Variants in MTMR10 observed in about 807,000 individuals in gnomAD.
MTMR10 encodes the protein myotubularin-related protein 10.
A neutral mutation model predicts 88.1 loss-of-function variants in MTMR10; 56 were observed. That is an observed-to-expected ratio of 0.64 (90% CI 0.51 to 0.79). The LOEUF is 0.79. Among genes scored for constraint, MTMR10 ranks in the 30% least tolerant of loss-of-function variants. The probability of loss-of-function intolerance (pLI) is 0.00; values close to 1 mark genes in which losing one functional copy is unlikely to be tolerated. For synonymous variants in MTMR10, 380 were observed against 340.9 expected (o/e 1.11, Z -1.26); for missense variants, 883 against 924.7 (o/e 0.95, Z 0.58).
In MTMR10 at chr15:30,967,905, T is replaced by C. The variant is rs903085879; in HGVS notation, c.565+15A>G. The stretch of plus-strand genomic sequence containing the variant: ...ATGTAAAATTAGTCACAATATTTAA[T>C]ATTTTCATATTTACCTGAATTGTGG... On this transcript the variant is annotated intron_variant, in intron 6 of 15. Transcript: ENST00000435680. The C allele has an allele frequency of 6.6e-7, 1 of 1,517,760 alleles. No homozygotes were observed. The highest frequency in any genetic ancestry group is 8.9e-7 in the Non-Finnish European group (1 of 1,119,046). 94.0% of individuals were successfully genotyped at this position (1,517,760 alleles called of 1,614,324 possible).
intron 14 of MTMR10, among the ~76,000 whole-genome samples, chr15:30,945,474 T>C (rs929013314): frequency 4.6e-5 from 7 of 152,108 alleles, no homozygotes; most frequent in Non-Finnish European, 7.4e-5. Flanking sequence ...TCCACGCAGA[T>C]ACCCACCCAT....
chr15:30,972,026 A>G (rs1239038225), intron 5 of MTMR10, among the ~76,000 whole-genome samples: 3 of 152,228 alleles, frequency 2.0e-5, no homozygotes. Context: ...TTCATTTTTC[A>G]AAACAAAAAC....
At chr15:30,982,702 G>A (rs1031567256) in intron 2 of MTMR10, among the ~76,000 whole-genome samples, 2 of 152,158 alleles carry the variant, frequency 1.3e-5, no homozygotes, top group Admixed American at 6.5e-5. Context: ...ATTAAGTGTC[G>A]AGTTAGTGAC....
In MTMR10 at chr15:30,941,347, G is replaced by T; in HGVS notation, c.*123C>A. On this transcript the variant is annotated 3_prime_UTR_variant, in exon 16 of 16. Coordinates refer to ENST00000435680, the MANE Select transcript of MTMR10 (RefSeq NM_017762.3). Reference sequence around the variant, plus strand: ...ATTCAACATGTTTTTAAATATTAGTGCAAATTCCAACTATTATTCTTACAT... The same window carrying T: ...ATTCAACATGTTTTTAAATATTAGTTCAAATTCCAACTATTATTCTTACAT... 6.5e-7 allele frequency: 1 copy of T among 1,534,578 alleles called. No homozygotes were observed. The highest frequency in any genetic ancestry group is 8.7e-7 in the Non-Finnish European group (1 of 1,144,212).
chr15:30,942,228 T>C, intron 15 of MTMR10, 156 bp from the exon 16 acceptor site: 2 of 931,738 alleles, frequency 2.1e-6, no homozygotes, highest in Non-Finnish European at 3.2e-6. Flanking sequence ...ATTCTAATCC[T>C]CCTCCCCTGG....
At chr15:30,925,022 C>T in the MTMR10 span, 2 of 1,216,454 alleles carry the variant, frequency 1.6e-6, no homozygotes. Context: ...ATTTGCTAAT[C>T]AGCAAAATTC....
the MTMR10 span, among the ~76,000 whole-genome samples, chr15:30,931,692 T>A: frequency 6.6e-6 from 1 of 152,222 alleles, no homozygotes; most frequent in African/African-American, 2.4e-5. Flanking sequence ...CTTCCTCCAC[T>A]GAATTCCCTC....
rs2062949919 is a variant in MTMR10, at chr15:30,938,999, GAAC to G, written c.*2468_*2470del. The G allele has an allele frequency of 6.1e-6, 6 of 985,114 alleles. No homozygotes were observed. The South Asian group carries it at 1.9e-4, about 31-fold the overall frequency. 61.0% of individuals were successfully genotyped at this position (985,114 alleles called of 1,614,324 possible). A position where few individuals can be genotyped will look rare whatever the true frequency, so the allele number is the denominator to read the frequency against. On this transcript the variant is annotated 3_prime_UTR_variant, in exon 16 of 16. Coordinates refer to ENST00000435680, the MANE Select transcript of MTMR10 (RefSeq NM_017762.3). ...AATTTCCTTCACATTCAATACTGTTGAACAACAAGATAACACATCTTCTTGCTC... is the reference window on the plus strand; with the variant it reads ...AATTTCCTTCACATTCAATACTGTTGAACAAGATAACACATCTTCTTGCTC...
chr15:30,979,015 C>CA (rs1442817719), intron 2 of MTMR10, among the ~76,000 whole-genome samples: 3 of 152,124 alleles, frequency 2.0e-5, no homozygotes, highest in Non-Finnish European at 2.9e-5. Context: ...ACTGAATACT[C>CA]AACCCTTTCT....
chr15:30,990,122 C>T (rs78146137), intron 2 of MTMR10, among the ~76,000 whole-genome samples: 1 of 151,856 alleles, frequency 6.6e-6, no homozygotes, highest in African/African-American at 2.4e-5. Context: ...GATTTTTGTC[C>T]CCCAGAGGTA....
At chr15:30,922,615 G>C in the MTMR10 span, among the ~76,000 whole-genome samples, 98 of 152,254 alleles carry the variant, frequency 6.4e-4, no homozygotes, top group African/African-American at 2.3e-3. Flanking sequence ...CTGGCATTTA[G>C]GAATCAGGAT....
the MTMR10 span, among the ~76,000 whole-genome samples, chr15:30,929,660 A>G: frequency 1.4e-5 from 1 of 72,230 alleles, no homozygotes; most frequent in Non-Finnish European, 3.0e-5. Context: ...AATATAATAT[A>G]TGAAATATAT....
At chr15:30,919,427 A>C in the MTMR10 span, among the ~76,000 whole-genome samples, 1 of 150,294 alleles carries the variant, frequency 6.7e-6, no homozygotes, top group Non-Finnish European at 1.5e-5. Flanking sequence ...GTGGTGGCTC[A>C]TGCCTGTAAT....
In MTMR10 at chr15:30,942,036, C is replaced by T. The variant is rs756568873; in HGVS notation, c.1768G>A (p.Ala590Thr). ...YSSTLRGMPS[A>T]LKNGIISDQE... ...TCACTGATGATTCCATTCTTTAAGG[C>T]AGACGGCATTCCTCTTAGTGTGGAG... The change falls in exon 16 of 16, where the codon GCC becomes ACC. Residue 590 changes from alanine (A) to threonine (T), a missense_variant. Physicochemically the swap from Ala to Thr is moderately conservative, Grantham distance 58 (BLOSUM62 0). Transcript: ENST00000435680. The T allele has an allele frequency of 2.5e-6, 4 of 1,613,968 alleles. No individual in the cohort carries two copies. The Admixed American group carries it at 5.0e-5, about 20-fold the overall frequency.
chr15:30,923,422 G>A, the MTMR10 span, among the ~76,000 whole-genome samples: 1 of 152,212 alleles, frequency 6.6e-6, no homozygotes, highest in Non-Finnish European at 1.5e-5. Flanking sequence ...TCACAGTTCT[G>A]CTAGGGGGTA....
chr15:30,983,980 A>T (rs1353911561), intron 2 of MTMR10, among the ~76,000 whole-genome samples: 1 of 152,178 alleles, frequency 6.6e-6, no homozygotes, highest in Non-Finnish European at 1.5e-5. Context: ...GTAGAATGAA[A>T]TCTTGAAGGA....
At chr15:30,952,984 T>A (rs1237855620) in intron 11 of MTMR10, among the ~76,000 whole-genome samples, 1 of 152,102 alleles carries the variant, frequency 6.6e-6, no homozygotes, top group East Asian at 1.9e-4. Flanking sequence ...GAGACAAGGT[T>A]TCACCATGTT....
Position 30,940,312 on chromosome 15 carries a change from T to G in MTMR10, c.*1158A>C. 2.0e-6 allele frequency: 2 copies of G among 985,370 alleles called. No individual in the cohort carries two copies. The highest frequency in any genetic ancestry group is 2.4e-6 in the Non-Finnish European group (2 of 829,858). 61.0% of individuals were successfully genotyped at this position (985,370 alleles called of 1,614,324 possible). ...GAGAGATTCAGATCAAGCAAACAAC[T>G]GTGTCTGCTCATTCTCCTCAACTTT... On this transcript the variant is annotated 3_prime_UTR_variant, in exon 16 of 16. Coordinates refer to ENST00000435680, the MANE Select transcript of MTMR10 (RefSeq NM_017762.3).
At chr15:30,943,581 C>T in intron 14 of MTMR10, 1 of 984,642 alleles carries the variant, frequency 1.0e-6, no homozygotes, top group Non-Finnish European at 1.2e-6. Context: ...AGACCACAGA[C>T]TCAGGGTAGG....
Sources: allele counts gnomAD v4.1 joint callset (sites outside exome capture counted in the v4.1 genomes callset), GRCh38; gene constraint gnomAD v4.1.1; transcripts MANE v1.5; gene names NCBI Gene and HGNC (gene_info 2026-07-23, HGNC 2026-07-21).